The following DGKG variants were observed in gnomAD, a reference collection of about 807,000 sequenced individuals.
The protein encoded by DGKG is diacylglycerol kinase gamma.
DGKG carries 78 observed loss-of-function variants against 105.3 expected under a neutral mutation model. The ratio of observed to expected loss-of-function variants is 0.74; its 90% CI spans 0.62 to 0.89. The LOEUF is 0.89. Ranked by LOEUF, DGKG falls within the 40% of genes least tolerant of loss-of-function variation. DGKG has a pLI of 0.00. For synonymous variants in DGKG, 346 were observed against 367.1 expected (o/e 0.94, Z 0.66); for missense variants, 958 against 1,020.1 (o/e 0.94, Z 0.83).
chr3:186,227,986 A>G (rs1578693223), intron 20 of DGKG, among the ~76,000 whole-genome samples: 1 of 152,358 alleles, frequency 6.6e-6, no homozygotes, highest in East Asian at 1.9e-4. Context: ...TAGAAGGCCA[A>G]CAAACTCTGA....
chr3:186,351,258 C>A (rs1726617376), intron 1 of DGKG, among the ~76,000 whole-genome samples: 1 of 152,164 alleles, frequency 6.6e-6, no homozygotes, highest in African/African-American at 2.4e-5. Context: ...AGTACTATAA[C>A]AAATATTCCC....
At chr3:186,314,686 G>A (rs536590238) in intron 2 of DGKG, among the ~76,000 whole-genome samples, 14 of 151,232 alleles carry the variant, frequency 9.3e-5, no homozygotes, top group Admixed American at 6.6e-4. Flanking sequence ...CCCGGGAGGC[G>A]GAGGTTGTGG....
chr3:186,280,856 A>G, intron 7 of DGKG, 112 bp from the exon 8 acceptor site: 5 of 825,756 alleles, frequency 6.1e-6, no homozygotes, highest in Non-Finnish European at 6.0e-6. Flanking sequence ...AGGGCAAGAG[A>G]AGAAGCTGGT....
At chr3:186,198,867 C>T (rs1169947977) in intron 21 of DGKG, among the ~76,000 whole-genome samples, 1 of 152,174 alleles carries the variant, frequency 6.6e-6, no homozygotes, top group African/African-American at 2.4e-5. Context: ...GAGAATGTTT[C>T]TAGTGTCAAT....
intron 20 of DGKG, among the ~76,000 whole-genome samples, chr3:186,220,978 A>G (rs1428079251): frequency 6.6e-6 from 1 of 152,214 alleles, no homozygotes; most frequent in Non-Finnish European, 1.5e-5. Flanking sequence ...CCAAAGTCTG[A>G]AATCGGATCC....
At chr3:186,301,292 C>T (rs576028672) in intron 3 of DGKG, among the ~76,000 whole-genome samples, 86 of 152,294 alleles carry the variant, frequency 5.6e-4, no homozygotes, top group Non-Finnish European at 9.6e-4. Context: ...CCCTATTGAT[C>T]TTCCTAAAGC....
chr3:186,196,175 T>C (rs1396946795), intron 21 of DGKG, among the ~76,000 whole-genome samples: 1 of 151,384 alleles, frequency 6.6e-6, no homozygotes, highest in African/African-American at 2.4e-5. Context: ...TCTCACTCTG[T>C]TGCCCAGGCT....
intron 9 of DGKG, among the ~76,000 whole-genome samples, chr3:186,275,980 CTAT>C (rs1722567005): frequency 1.3e-5 from 2 of 150,768 alleles, no homozygotes; most frequent in South Asian, 2.1e-4. Context: ...ATCTATCTAT[CTAT>C]CTATCTATCT....
rs10529645 is a variant in DGKG at position 186,250,557 on chromosome 3, C to CTTTTTTTTTTTTTTTTT, written c.1761+1201_1761+1202insAAAAAAAAAAAAAAAAA. Among the ~76,000 whole-genome samples, 119 of 116,138 alleles carry CTTTTTTTTTTTTTTTTT rather than the reference C, an allele frequency of 1.0e-3. 3 individuals carry two copies. The highest frequency in any genetic ancestry group is 2.2e-3 in the African/African-American group (66 of 30,608). The allele number at this position is 116,138 out of a possible 152,430, so 76.2% of individuals were successfully genotyped here. ...CAAATAGTTCAATAATTCTGTCATT[C>CTTTTTTTTTTTTTTTTT]TTTTTTTTTTGAGACAGAGTCTCGC... On this transcript the variant is annotated intron_variant, in intron 19 of 24. Transcript: ENST00000265022.
At chr3:186,261,526 G>T (rs758121204) in intron 15 of DGKG, among the ~76,000 whole-genome samples, 173 bp downstream of exon 15, 8 of 152,190 alleles carry the variant, frequency 5.3e-5, no homozygotes, top group South Asian at 2.1e-4. Flanking sequence ...TACAGAGGGA[G>T]AAACCGAGGC....
At chr3:186,208,426 CAAA>C (rs10693104) in intron 21 of DGKG, among the ~76,000 whole-genome samples, 1 of 95,330 alleles carries the variant, frequency 1.0e-5, no homozygotes, top group African/African-American at 4.0e-5. Context: ...ACCAGATTGG[CAAA>C]AAAAAAAAAG....
chr3:186,178,227 A>G (rs1271605658), intron 22 of DGKG, among the ~76,000 whole-genome samples: 1 of 152,234 alleles, frequency 6.6e-6, no homozygotes, highest in Non-Finnish European at 1.5e-5. Flanking sequence ...CAACTCACTA[A>G]GAAAAACACT....
chr3:186,212,034 T>C, intron 20 of DGKG, 149 bp from the exon 21 acceptor site: 1 of 640,242 alleles, frequency 1.6e-6, no homozygotes, highest in East Asian at 2.8e-5. Flanking sequence ...GATCAAGGAA[T>C]AGAAATTTTT....
chr3:186,189,699 C>T (rs554225017), intron 21 of DGKG, among the ~76,000 whole-genome samples: 2 of 152,322 alleles, frequency 1.3e-5, no homozygotes, highest in African/African-American at 4.8e-5. Context: ...GACTCACCTC[C>T]TGATTTCTTT....
chr3:186,162,589 G>T (rs1175886458), intron 23 of DGKG, among the ~76,000 whole-genome samples: 3 of 152,172 alleles, frequency 2.0e-5, no homozygotes, highest in African/African-American at 7.2e-5. Flanking sequence ...GCCCAGGCTG[G>T]AGTGCAGTGG....
intron 1 of DGKG, 83 bp from the exon 2 acceptor site, chr3:186,320,790 G>C (rs547073758): frequency 4.1e-6 from 1 of 245,590 alleles, no homozygotes; most frequent in South Asian, 9.9e-5. Flanking sequence ...AGATCTACAG[G>C]GGACAATTGT....
chr3:186,287,010 G>A (rs1723100854), intron 6 of DGKG, among the ~76,000 whole-genome samples: 1 of 133,888 alleles, frequency 7.5e-6, no homozygotes, highest in Non-Finnish European at 1.6e-5. Context: ...CTCTAGCTTG[G>A]GCAACAAGAG....
intron 22 of DGKG, among the ~76,000 whole-genome samples, chr3:186,179,648 T>C (rs566617130): frequency 4.7e-4 from 71 of 152,376 alleles, no homozygotes; most frequent in African/African-American, 1.6e-3. Context: ...TTGAATGGCC[T>C]GCATTTGGAA....
chr3:186,148,352 T>C lies in DGKG; in HGVS notation c.*1738A>G. The C allele has an allele frequency of 1.0e-6, 1 of 985,460 alleles. No homozygotes were observed. Among genetic ancestry groups the C allele is most frequent in the Non-Finnish European group, 1.2e-6 (1 of 829,944 alleles). The allele number at this position is 985,460 out of a possible 1,614,324, so 61.0% of individuals were successfully genotyped here. A position where few individuals can be genotyped will look rare whatever the true frequency, so the allele number is the denominator to read the frequency against. On this transcript the variant is annotated 3_prime_UTR_variant, in exon 25 of 25. Coordinates refer to ENST00000265022, the MANE Select transcript of DGKG (RefSeq NM_001346.3). ...AACTAAGAGACTATGATGACCATGA[T>C]GAGGTGACATGTGGAGAGTTCAGTC...
Sources: allele counts gnomAD v4.1 joint callset (sites outside exome capture counted in the v4.1 genomes callset), GRCh38; gene constraint gnomAD v4.1.1; transcripts MANE v1.5; gene names NCBI Gene and HGNC (gene_info 2026-07-23, HGNC 2026-07-21).